The following CBLB variants were observed in gnomAD, a reference collection of about 807,000 sequenced individuals.
CBLB encodes the protein Cbl proto-oncogene B.
CBLB carries 31 observed loss-of-function variants against 104.9 expected under a neutral mutation model. That is an observed-to-expected ratio of 0.30 (90% CI 0.22 to 0.40). CBLB has a LOEUF of 0.40. Among genes scored for constraint, CBLB ranks in the 10% least tolerant of loss-of-function variants. The pLI is 1.00. For synonymous variants in CBLB, 440 were observed against 422.6 expected (o/e 1.04, Z -0.51); for missense variants, 1,062 against 1,214.6 (o/e 0.87, Z 1.87).
At chr3:105,819,905 A>G (rs2153055382) in intron 3 of CBLB, among the ~76,000 whole-genome samples, 1 of 152,282 alleles carries the variant, frequency 6.6e-6, no homozygotes, top group African/African-American at 2.4e-5. Context: ...GTTTCATGGA[A>G]GACAATTTTT....
rs189645661 is a variant in CBLB, at chr3:105,767,040, G to A, written c.566+9356C>T. On this transcript the variant is annotated intron_variant, in intron 4 of 18. Transcript: ENST00000394030. ...AATTGAACAAAATAGGCCTCCAATA[G>A]ATATGTAAGTTTTTATTTTCCTTAT... Among the ~76,000 whole-genome samples the A allele has an allele frequency of 2.0e-3, 302 of 152,158 alleles. 2 individuals are homozygous for A. The highest frequency in any genetic ancestry group is 7.1e-3 in the African/African-American group (293 of 41,514).
At chr3:105,758,898 C>T (rs529620150) in intron 4 of CBLB, among the ~76,000 whole-genome samples, 1 of 152,340 alleles carries the variant, frequency 6.6e-6, no homozygotes, top group South Asian at 2.1e-4. Context: ...GGTGTGGGCT[C>T]CCCAAAGGGC....
chr3:105,792,918 A>G (rs574714370), intron 3 of CBLB, among the ~76,000 whole-genome samples: 1 of 152,324 alleles, frequency 6.6e-6, no homozygotes, highest in South Asian at 2.1e-4. Context: ...GGTAAGACCA[A>G]CCAGTAAAGA....
At chr3:105,785,285 A>C (rs10460808) in intron 3 of CBLB, among the ~76,000 whole-genome samples, 11,064 of 152,318 alleles carry the variant, frequency 0.073, 574 homozygotes, top group East Asian at 0.29. Flanking sequence ...AGATAGGAAT[A>C]GCCTATAAAA....
intron 18 of CBLB, among the ~76,000 whole-genome samples, chr3:105,660,050 G>A (rs2063632786): frequency 6.6e-6 from 1 of 152,108 alleles, no homozygotes; most frequent in African/African-American, 2.4e-5. Flanking sequence ...CCCATGAATG[G>A]AGAGTAACCT....
chr3:105,670,132 C>A, intron 18 of CBLB, 101 bp downstream of exon 18: 1 of 1,042,684 alleles, frequency 9.6e-7, no homozygotes. Flanking sequence ...CTTGGGTGGA[C>A]AACATTCATT....
chr3:105,675,474 A>G (rs1194099170), intron 17 of CBLB, among the ~76,000 whole-genome samples: 3 of 152,222 alleles, frequency 2.0e-5, no homozygotes, highest in African/African-American at 4.8e-5. Context: ...TCAGCCAAAA[A>G]AATCTTTATG....
At chr3:105,805,506 A>G (rs1246034904) in intron 3 of CBLB, among the ~76,000 whole-genome samples, 1 of 152,030 alleles carries the variant, frequency 6.6e-6, no homozygotes, top group African/African-American at 2.4e-5. Context: ...GGGTTTTGCC[A>G]TGTTGCCCAG....
At chr3:105,818,880 G>T (rs2085429879) in intron 3 of CBLB, among the ~76,000 whole-genome samples, 1 of 148,304 alleles carries the variant, frequency 6.7e-6, no homozygotes, top group Non-Finnish European at 1.5e-5. Context: ...AAAGTCTAGA[G>T]ATTTAGATTA....
chr3:105,766,779 C>T (rs565537098), intron 4 of CBLB, among the ~76,000 whole-genome samples: 171 of 152,318 alleles, frequency 1.1e-3, no homozygotes, highest in Non-Finnish European at 1.8e-3. Flanking sequence ...ATATGCACTT[C>T]ATTGCGATGT....
intron 13 of CBLB, among the ~76,000 whole-genome samples, chr3:105,686,387 G>T (rs183089072): frequency 6.6e-6 from 1 of 151,498 alleles, no homozygotes; most frequent in East Asian, 1.9e-4. Context: ...TACACACATG[G>T]ATCCAAATCT....
At chr3:105,739,439 A>G (rs1294366944) in intron 7 of CBLB, among the ~76,000 whole-genome samples, 10 of 152,186 alleles carry the variant, frequency 6.6e-5, no homozygotes, top group Non-Finnish European at 1.5e-4. Flanking sequence ...AGAGGGGAAG[A>G]AAAAGCAGCA....
intron 16 of CBLB, 168 bp downstream of exon 16, chr3:105,681,311 G>C: frequency 1.5e-6 from 1 of 650,916 alleles, no homozygotes; most frequent in South Asian, 1.9e-5. Context: ...TCTACATGGA[G>C]TAATGGTCTC....
intron 13 of CBLB, among the ~76,000 whole-genome samples, chr3:105,686,684 T>C (rs1055972292): frequency 6.6e-6 from 1 of 152,110 alleles, no homozygotes; most frequent in Non-Finnish European, 1.5e-5. Context: ...AGTCATTAGA[T>C]AGGACATTCA....
Position 105,655,618 on chromosome 3 carries a change from AAAC to A in CBLB, c.*3349_*3351del, listed in dbSNP as rs2063289334. 1 of 187,714 alleles carries A rather than the reference AAAC, an allele frequency of 5.3e-6. No individual in the cohort carries two copies. The allele number at this position is 187,714 out of a possible 1,614,324, so 11.6% of individuals were successfully genotyped here. A position where few individuals can be genotyped will look rare whatever the true frequency, so the allele number is the denominator to read the frequency against. ...ACAAGTTTTAAAAAGGCATTTTAAA[AAAC>A]AATAAAATAGTAATTGGGGAAAAAA... On this transcript the variant is annotated 3_prime_UTR_variant, in exon 19 of 19. Transcript: ENST00000394030.
In CBLB at chr3:105,816,211, GA is replaced by G. The variant is rs535414864; in HGVS notation, c.419+37202del. 1.2e-3 allele frequency among the ~76,000 whole-genome samples: 181 copies of G among 147,614 alleles called. 1 individual carries two copies. The highest frequency in any genetic ancestry group is 4.7e-3 in the South Asian group (22 of 4,662). ...AGAACTTAGTATATTTTTTAAAAAA[GA>G]AAAAAAAAATTGCATGATGTCATCT... is the stretch of plus-strand genomic sequence containing the variant. On this transcript the variant is annotated intron_variant, in intron 3 of 18. Transcript: ENST00000394030.
At chr3:105,720,922 A>C (rs546183783) in intron 9 of CBLB, among the ~76,000 whole-genome samples, 1 of 152,332 alleles carries the variant, frequency 6.6e-6, no homozygotes, top group South Asian at 2.1e-4. Flanking sequence ...AGATTTGTGC[A>C]AATACTTTTG....
At chr3:105,743,994 T>C (rs944652323) in intron 6 of CBLB, among the ~76,000 whole-genome samples, 1 of 151,856 alleles carries the variant, frequency 6.6e-6, no homozygotes, top group Non-Finnish European at 1.5e-5. Flanking sequence ...GTATGACTGA[T>C]ATACAAAAAA....
intron 4 of CBLB, among the ~76,000 whole-genome samples, chr3:105,757,653 T>C (rs1285366041): frequency 1.3e-5 from 2 of 152,180 alleles, no homozygotes; most frequent in Non-Finnish European, 2.9e-5. Flanking sequence ...TAAAAAATAT[T>C]ACACTAAAAA....
Sources: allele counts gnomAD v4.1 joint callset (sites outside exome capture counted in the v4.1 genomes callset), GRCh38; gene constraint gnomAD v4.1.1; transcripts MANE v1.5; gene names NCBI Gene and HGNC (gene_info 2026-07-23, HGNC 2026-07-21).